STK39: variants seen among roughly 807,000 people sequenced by gnomAD.
STK39 encodes the protein STE20/SPS1-related proline-alanine-rich protein kinase.
Under a neutral mutation model 77.8 loss-of-function variants are expected in STK39, and 20 were observed. The observed-to-expected ratio is 0.26, with a 90% CI of 0.18 to 0.37. The LOEUF is 0.37. STK39 is among the 10% of genes least tolerant of loss of function. The pLI is 1.00. For synonymous variants in STK39, 246 were observed against 234.1 expected, an observed-to-expected ratio of 1.05 and a Z score of -0.47; for missense variants, 479 against 656.5, an observed-to-expected ratio of 0.73 and a Z score of 2.95.
intron 1 of STK39, among the ~76,000 whole-genome samples, chr2:168,195,423 T>A (rs1205327540): frequency 1.3e-5 from 2 of 152,002 alleles, no homozygotes; most frequent in Non-Finnish European, 2.9e-5. Flanking sequence ...CAAAAGACAG[T>A]TACCTACCAT....
intron 15 of STK39, among the ~76,000 whole-genome samples, chr2:168,014,028 C>A: frequency 6.6e-6 from 1 of 152,128 alleles, no homozygotes; most frequent in South Asian, 2.1e-4. Context: ...TCCAGAGAAA[C>A]TGTGGTATTC....
chr2:168,241,408 C>T (rs927299149), intron 1 of STK39, among the ~76,000 whole-genome samples: 1 of 152,204 alleles, frequency 6.6e-6, no homozygotes, highest in African/African-American at 2.4e-5. Flanking sequence ...TCATAATGGG[C>T]TGCTCCTCTT....
intron 10 of STK39, among the ~76,000 whole-genome samples, chr2:168,092,536 C>T (rs1054184646): frequency 2.0e-5 from 3 of 152,208 alleles, no homozygotes; most frequent in African/African-American, 7.2e-5. Context: ...AATAACATAG[C>T]TGTATATGTA....
chr2:168,018,538 A>AAAAGAAAGAAAAGAAAGAAAGAAAG (rs1553514700), intron 14 of STK39, among the ~76,000 whole-genome samples: 11 of 85,480 alleles, frequency 1.3e-4, no homozygotes, highest in African/African-American at 1.7e-4. Context: ...GAAAAGAAAG[A>AAAAGAAAGAAAAGAAAGAAAGAAAG]AAAGAAAGAA....
intron 16 of STK39, among the ~76,000 whole-genome samples, chr2:167,994,420 G>A (rs1045318617): frequency 6.6e-6 from 1 of 151,924 alleles, no homozygotes; most frequent in Non-Finnish European, 1.5e-5. Flanking sequence ...CATAGAATTT[G>A]TTTTTTGTGT....
At chr2:168,074,221 T>C (rs942008684) in intron 12 of STK39, among the ~76,000 whole-genome samples, 4 of 152,190 alleles carry the variant, frequency 2.6e-5, no homozygotes, top group African/African-American at 9.6e-5. Flanking sequence ...TTAAAAAAAA[T>C]TGGGATGGAT....
chr2:168,082,437 C>T (rs1318104731), intron 10 of STK39, among the ~76,000 whole-genome samples: 1 of 152,218 alleles, frequency 6.6e-6, no homozygotes, highest in Non-Finnish European at 1.5e-5. Context: ...CAATGCTATT[C>T]TCTCTCCCTT....
rs150953812 is a variant in STK39, at chr2:167,957,230, T to C, written c.1564-1660A>G. Among the ~76,000 whole-genome samples, 325 of 152,316 alleles carry C rather than the reference T, an allele frequency of 2.1e-3. 2 individuals carry two copies. The highest frequency in any genetic ancestry group is 7.4e-3 in the African/African-American group (309 of 41,572). ...TCACTAGCCTAAAGGATAAAAATAT[T>C]AATCAGTATTTAAAGAAAGGAATTT... On this transcript the variant is annotated intron_variant, in intron 17 of 17. Transcript: ENST00000355999.
intron 10 of STK39, among the ~76,000 whole-genome samples, chr2:168,115,452 C>T (rs1459617035): frequency 6.6e-6 from 1 of 152,052 alleles, no homozygotes; most frequent in Non-Finnish European, 1.5e-5. Flanking sequence ...CAATCCTGTT[C>T]CTAGGAAATA....
intron 10 of STK39, among the ~76,000 whole-genome samples, chr2:168,082,475 A>C (rs1197650064): frequency 1.3e-5 from 2 of 152,244 alleles, no homozygotes; most frequent in Non-Finnish European, 2.9e-5. Flanking sequence ...CTAATAGTGT[A>C]ATTCAATGCT....
chr2:168,157,004 T>C (rs1486275780), intron 5 of STK39, among the ~76,000 whole-genome samples: 1 of 152,100 alleles, frequency 6.6e-6, no homozygotes, highest in Non-Finnish European at 1.5e-5. Flanking sequence ...AGAAGGAAAA[T>C]GAAAGAACCT....
rs75951534 is a variant in STK39 at position 167,969,965 on chromosome 2, G to T, written c.1499-5239C>A. On this transcript the variant is annotated intron_variant, in intron 16 of 17. Transcript: ENST00000355999. ...CTTATCCCTCACCACTCTCTCCCTT[G>T]CTGCTCCTGCTCCAGCCACACAGCC... Among the ~76,000 whole-genome samples the T allele has an allele frequency of 1.9e-4, 29 of 152,174 alleles. No individual in the cohort carries two copies. The East Asian group carries it at 5.6e-3, about 29-fold the overall frequency.
At chr2:167,960,430 T>C (rs1402496438) in intron 17 of STK39, among the ~76,000 whole-genome samples, 1 of 143,496 alleles carries the variant, frequency 7.0e-6, no homozygotes, top group East Asian at 2.1e-4. Context: ...ATTAAATAAA[T>C]ATGTATGCTT....
intron 5 of STK39, among the ~76,000 whole-genome samples, chr2:168,141,487 A>AC (rs1431041562): frequency 2.0e-5 from 3 of 152,220 alleles, no homozygotes; most frequent in African/African-American, 7.2e-5. Context: ...ACATACAGGC[A>AC]CATGTGTAAA....
Position 168,009,187 on chromosome 2 carries a change from G to A in STK39, c.1498+3447C>T, listed in dbSNP as rs779271849. 1.5e-3 allele frequency among the ~76,000 whole-genome samples: 226 copies of A among 152,072 alleles called. 2 individuals carry two copies. Among genetic ancestry groups the A allele is most frequent in the Middle Eastern group, 3.4e-3 (1 of 294 alleles). On this transcript the variant is annotated intron_variant, in intron 16 of 17. Coordinates refer to ENST00000355999, the MANE Select transcript of STK39 (RefSeq NM_013233.3). ...CAGAAATAGCTGTAATGGGAGGTGG[G>A]GTAAAGACAGGGCTTTCTGAAGATA... is the stretch of plus-strand genomic sequence containing the variant.
intron 17 of STK39, 148 bp downstream of exon 17, chr2:167,964,514 G>A (rs917943183): frequency 1.6e-5 from 11 of 695,944 alleles, no homozygotes; most frequent in Non-Finnish European, 2.7e-5. Context: ...TAACGCTGCA[G>A]AGTCAAATGC....
intron 14 of STK39, among the ~76,000 whole-genome samples, chr2:168,049,294 C>T (rs995673937): frequency 3.9e-5 from 6 of 152,186 alleles, no homozygotes; most frequent in Non-Finnish European, 7.3e-5. Flanking sequence ...GCTCCGATTT[C>T]TGAGTGAACA....
chr2:168,127,543 A>G (rs922152854), intron 10 of STK39, among the ~76,000 whole-genome samples: 2 of 152,234 alleles, frequency 1.3e-5, no homozygotes, highest in Non-Finnish European at 2.9e-5. Flanking sequence ...AGTATGGGTT[A>G]CACAGTGGGA....
intron 17 of STK39, among the ~76,000 whole-genome samples, chr2:167,957,095 G>A (rs1691806392): frequency 6.6e-6 from 1 of 151,766 alleles, no homozygotes; most frequent in Non-Finnish European, 1.5e-5. Flanking sequence ...ATCAACTCTA[G>A]CATTTTCTAT....
Sources: allele counts gnomAD v4.1 joint callset (sites outside exome capture counted in the v4.1 genomes callset), GRCh38; gene constraint gnomAD v4.1.1; transcripts MANE v1.5; gene names NCBI Gene and HGNC (gene_info 2026-07-23, HGNC 2026-07-21).